Variants in MIPEP observed in about 807,000 individuals in gnomAD.
MIPEP encodes the protein mitochondrial intermediate peptidase.
Under a neutral mutation model 90.3 loss-of-function variants are expected in MIPEP, and 79 were observed. The ratio of observed to expected loss-of-function variants is 0.87; its 90% CI spans 0.73 to 1.05. The LOEUF (loss-of-function observed/expected upper bound fraction) is 1.05, where lower values mean the gene tolerates loss of function less well. Ranked by LOEUF, MIPEP falls within the 50% of genes least tolerant of loss-of-function variation. The pLI is 0.00. For synonymous variants in MIPEP, 334 were observed against 315.8 expected (o/e 1.06, Z -0.61); for missense variants, 940 against 905.6 (o/e 1.04, Z -0.49).
At chr13:23,789,770 C>A (rs9919826) in intron 16 of MIPEP, among the ~76,000 whole-genome samples, 3 of 152,170 alleles carry the variant, frequency 2.0e-5, no homozygotes, top group African/African-American at 7.2e-5. Flanking sequence ...TCATCCTACG[C>A]CCTCGTGCTC....
At chr13:23,819,458 G>C (rs1953280081) in intron 14 of MIPEP, among the ~76,000 whole-genome samples, 1 of 152,074 alleles carries the variant, frequency 6.6e-6, no homozygotes, top group Admixed American at 6.5e-5. Context: ...CTATTGCCCA[G>C]GGGTAGCTTT....
At chr13:23,748,414 TA>T (rs1247774063) in intron 18 of MIPEP, among the ~76,000 whole-genome samples, 2 of 152,104 alleles carry the variant, frequency 1.3e-5, no homozygotes, top group Non-Finnish European at 2.9e-5. Context: ...CATAAACCAA[TA>T]AATGAAATAA....
chr13:23,837,787 G>T (rs1352586036), intron 12 of MIPEP, 31 bp from the exon 13 acceptor site: 3 of 1,548,498 alleles, frequency 1.9e-6, no homozygotes, highest in South Asian at 1.1e-5. Context: ...AAAAGGAAAA[G>T]AAAGTATTTG....
intron 2 of MIPEP, among the ~76,000 whole-genome samples, chr13:23,883,975 C>T (rs935974945): frequency 4.6e-4 from 70 of 152,176 alleles, no homozygotes; most frequent in African/African-American, 1.6e-3. Flanking sequence ...GATACTTTAT[C>T]AGTTTTCTTA....
At chr13:23,874,458 C>T (rs1870969802) in intron 5 of MIPEP, among the ~76,000 whole-genome samples, 1 of 152,220 alleles carries the variant, frequency 6.6e-6, no homozygotes, top group Non-Finnish European at 1.5e-5. Flanking sequence ...TTCCATCAGT[C>T]AAACACACGT....
rs1429164870 is a variant in MIPEP at position 23,853,587 on chromosome 13, G to C, written c.1106+5273C>G. ...CTTTTTTTTTTTTTTCTGAGACAAA[G>C]TCTCACTCTGTTGCCCAAACTGGAG... On this transcript the variant is annotated intron_variant, in intron 10 of 18. Transcript: ENST00000382172. Among the ~76,000 whole-genome samples the C allele has an allele frequency of 2.0e-5, 3 of 148,754 alleles. No individual in the cohort carries two copies. The East Asian group carries it at 5.9e-4, about 29-fold the overall frequency.
chr13:23,815,610 A>G (rs1293426929), intron 14 of MIPEP, among the ~76,000 whole-genome samples: 3 of 152,144 alleles, frequency 2.0e-5, no homozygotes, highest in Non-Finnish European at 4.4e-5. Context: ...TGCCAGGCCT[A>G]TTTTTAATTT....
chr13:23,831,783 G>A (rs1868780553), intron 14 of MIPEP, among the ~76,000 whole-genome samples: 2 of 152,112 alleles, frequency 1.3e-5, no homozygotes, highest in African/African-American at 4.8e-5. Context: ...CCATGTTGGG[G>A]ACCAAGTTTT....
rs560399138 is a variant in MIPEP at position 23,856,176 on chromosome 13, G to A, written c.1106+2684C>T. Among the ~76,000 whole-genome samples, 8 of 152,298 alleles carry A rather than the reference G, an allele frequency of 5.3e-5. No homozygotes were observed. In the South Asian group the frequency reaches 1.7e-3, roughly 32 times the overall value. On this transcript the variant is annotated intron_variant, in intron 10 of 18. Coordinates refer to ENST00000382172, the MANE Select transcript of MIPEP (RefSeq NM_005932.4). ...CACACAGGCTGTTAAGCACAGCGGAGCCAGGAGCTACACAAGGCTAGTGCA... is the reference window on the plus strand; with the variant it reads ...CACACAGGCTGTTAAGCACAGCGGAACCAGGAGCTACACAAGGCTAGTGCA...
chr13:23,756,256 G>A (rs983716262), intron 18 of MIPEP, among the ~76,000 whole-genome samples: 1 of 152,218 alleles, frequency 6.6e-6, no homozygotes. Flanking sequence ...CTGGGTTTAA[G>A]TGATTCTCCT....
Position 23,735,146 on chromosome 13 carries a change from G to A in MIPEP, c.2045-4701C>T, listed in dbSNP as rs550937281. Among the ~76,000 whole-genome samples, 8 of 152,266 alleles carry A rather than the reference G, an allele frequency of 5.3e-5. No homozygotes were observed. The South Asian group carries it at 1.5e-3, about 28-fold the overall frequency. On this transcript the variant is annotated intron_variant, in intron 18 of 18. Transcript: ENST00000382172. ...AGCCAGCTTTTCCTGCGGGCTACGT[G>A]AATGACATGCCTAGTCAAACCAATC... is the stretch of plus-strand genomic sequence containing the variant.
intron 15 of MIPEP, among the ~76,000 whole-genome samples, chr13:23,808,503 C>T (rs7333918): frequency 0.016 from 2,397 of 152,240 alleles, 85 homozygotes; most frequent in African/African-American, 0.055. Flanking sequence ...TGAACCCAGG[C>T]AGCTCCTCTA....
At chr13:23,834,428 T>A (rs1868927597) in intron 14 of MIPEP, among the ~76,000 whole-genome samples, 1 of 152,140 alleles carries the variant, frequency 6.6e-6, no homozygotes, top group African/African-American at 2.4e-5. Context: ...GGCTTTGCCT[T>A]CGGGCGGTAA....
chr13:23,835,385 C>G (rs1385926405), intron 14 of MIPEP, among the ~76,000 whole-genome samples: 1 of 152,100 alleles, frequency 6.6e-6, no homozygotes, highest in African/African-American at 2.4e-5. Flanking sequence ...TAATATTACA[C>G]ATCTGGAGAC....
intron 8 of MIPEP, 46 bp downstream of exon 8, chr13:23,864,095 T>C: frequency 9.1e-7 from 1 of 1,099,390 alleles, no homozygotes; most frequent in Non-Finnish European, 1.3e-6. Flanking sequence ...TTAAAAAGAC[T>C]AAATAACATA....
chr13:23,800,193 C>T (rs941211046), intron 16 of MIPEP, among the ~76,000 whole-genome samples: 1 of 152,166 alleles, frequency 6.6e-6, no homozygotes, highest in African/African-American at 2.4e-5. Flanking sequence ...GAAAAATACA[C>T]ATTAGAACAG....
intron 5 of MIPEP, 90 bp downstream of exon 5, chr13:23,874,756 C>A: frequency 1.8e-6 from 2 of 1,107,296 alleles, no homozygotes; most frequent in South Asian, 1.8e-5. Context: ...TATGCAAATT[C>A]AAGCAATATA....
In MIPEP at chr13:23,762,147, AT is replaced by A. The variant is rs1053551070; in HGVS notation, c.1849-1931del. Among the ~76,000 whole-genome samples, 511 of 151,836 alleles carry A rather than the reference AT, an allele frequency of 3.4e-3. 1 individual carries two copies. The highest frequency in any genetic ancestry group is 0.012 in the African/African-American group (486 of 41,430). The stretch of plus-strand genomic sequence containing the variant: ...CTCAAAAAATAATAATAATTAAAAA[AT>A]AAATAAACAACTTTTTTAAAAAGCT... On this transcript the variant is annotated intron_variant, in intron 16 of 18. Transcript: ENST00000382172.
At chr13:23,782,999 G>A (rs557247153) in intron 16 of MIPEP, among the ~76,000 whole-genome samples, 152 of 152,180 alleles carry the variant, frequency 1.0e-3, no homozygotes, top group African/African-American at 2.9e-3. Flanking sequence ...AGGACCAGAC[G>A]GATTCACAGC....
Sources: gnomAD v4.1 joint callset for allele counts (sites outside exome capture counted in the v4.1 genomes callset) on GRCh38, gnomAD v4.1.1 for gene constraint, MANE v1.5 for transcripts, NCBI Gene and HGNC (gene_info 2026-07-23, HGNC 2026-07-21) for gene names.